The following CDH23 variants were observed in gnomAD, a reference collection of about 807,000 sequenced individuals.
CDH23 encodes the protein cadherin related 23, also known as cadherin-23.
CDH23 carries 189 observed loss-of-function variants against 317.1 expected under a neutral mutation model. The observed-to-expected ratio is 0.60, with a 90% CI of 0.53 to 0.67. CDH23 has a LOEUF of 0.67. Ranked by LOEUF, CDH23 falls within the 30% of genes least tolerant of loss-of-function variation. CDH23 has a pLI of 0.00. For missense variants in CDH23, 4,401 were observed against 4,592.4 expected (o/e 0.96, Z 1.20); for synonymous variants, 1,839 against 1,876.8 (o/e 0.98, Z 0.52).
chr10:71,717,642 G>T (rs368783204), intron 28 of CDH23: 1 of 152,360 alleles, frequency 6.6e-6, no homozygotes, highest in Middle Eastern at 3.4e-3. Flanking sequence ...AGATGAGCAG[G>T]GCCACCTGGA....
At chr10:71,550,158 A>T (rs1282118389) in intron 6 of CDH23, among the ~76,000 whole-genome samples, 3 of 152,192 alleles carry the variant, frequency 2.0e-5, no homozygotes, top group African/African-American at 7.2e-5. Flanking sequence ...TACAATGGGG[A>T]TAAAGCCTCA....
chr10:71,747,089 A>G (rs761807910), intron 38 of CDH23, among the ~76,000 whole-genome samples: 47 of 152,100 alleles, frequency 3.1e-4, no homozygotes, highest in Non-Finnish European at 5.1e-4. Context: ...GTACATCCAG[A>G]CCCTTCCCTT....
At chr10:71,601,354 T>G (rs1322261431) in intron 9 of CDH23, among the ~76,000 whole-genome samples, 22 of 152,258 alleles carry the variant, frequency 1.4e-4, no homozygotes, top group Admixed American at 1.4e-3. Context: ...TGCTGGACAC[T>G]GTGCTGAACT....
At chr10:71,691,929 C>A (rs1025815657) in intron 20 of CDH23, among the ~76,000 whole-genome samples, 1 of 152,190 alleles carries the variant, frequency 6.6e-6, no homozygotes, top group African/African-American at 2.4e-5. Flanking sequence ...GACCCAGGGC[C>A]ACTGTGAGCC....
At chr10:71,803,638 A>T (rs986201343) in intron 55 of CDH23, among the ~76,000 whole-genome samples, 1 of 152,096 alleles carries the variant, frequency 6.6e-6, no homozygotes, top group African/African-American at 2.4e-5. Flanking sequence ...ACAGGGCAGT[A>T]TTGAACAGTG....
Position 71,813,259 on chromosome 10 carries a change from G to A in CDH23, c.9649G>A (p.Val3217Met). Reference sequence around the variant, plus strand: ...CCTCCCCCAGGGCTCGCTGCTGAAGGTGGTCCTGGAGGATTACCTGCGGCT... The same window carrying A: ...CCTCCCCCAGGGCTCGCTGCTGAAGATGGTCCTGGAGGATTACCTGCGGCT... ...EGPIKGSLLK[V>M]VLEDYLRLKK... The change falls in exon 69 of 70, where the codon GTG (valine) becomes ATG (methionine). Residue 3217 changes from valine to methionine, a missense_variant. Val to Met is a conservative substitution (Grantham distance 21, BLOSUM62 1). This residue lies in a region of CDH23 where 1,144 missense variants were observed against 1,138.2 expected (regional missense o/e 1.01). Coordinates refer to ENST00000224721, the MANE Select transcript of CDH23 (RefSeq NM_022124.6). 1 of 1,551,644 alleles carries A rather than the reference G, an allele frequency of 6.4e-7. No homozygotes were observed. Among genetic ancestry groups the A allele is most frequent in the Non-Finnish European group, 8.7e-7 (1 of 1,146,980 alleles).
chr10:71,769,229 T>C (rs201154535), intron 38 of CDH23, among the ~76,000 whole-genome samples: 1 of 152,228 alleles, frequency 6.6e-6, no homozygotes, highest in African/African-American at 2.4e-5. Context: ...CTCTAAAACA[T>C]TTGCTAATCT....
At chr10:71,713,365 G>C in intron 28 of CDH23, 1 of 748,016 alleles carries the variant, frequency 1.3e-6, no homozygotes, top group Non-Finnish European at 2.5e-6. Context: ...GGCCTCAGTT[G>C]CTGGGTGGGG....
chr10:71,592,958 C>G (rs1030932339), intron 9 of CDH23, among the ~76,000 whole-genome samples: 7 of 152,202 alleles, frequency 4.6e-5, no homozygotes, highest in Non-Finnish European at 1.5e-5. Flanking sequence ...TTATCCCATT[C>G]TGAGTTTCCT....
At chr10:71,517,166 G>A (rs189844436) in intron 6 of CDH23, among the ~76,000 whole-genome samples, 20 of 152,332 alleles carry the variant, frequency 1.3e-4, no homozygotes, top group African/African-American at 2.9e-4. Context: ...TACTTTGCTC[G>A]GCCAGCTGGT....
At chr10:71,533,808 CG>C (rs1855553711) in intron 6 of CDH23, among the ~76,000 whole-genome samples, 1 of 152,076 alleles carries the variant, frequency 6.6e-6, no homozygotes, top group South Asian at 2.1e-4. Context: ...CAGAGCAAGA[CG>C]TGCAAATAAA....
chr10:71,439,234 A>G (rs532763705), intron 1 of CDH23, among the ~76,000 whole-genome samples: 23 of 152,172 alleles, frequency 1.5e-4, no homozygotes, highest in Middle Eastern at 3.4e-3. Flanking sequence ...GCCTCTTTGG[A>G]CACCATGACC....
Position 71,793,623 on chromosome 10 carries a change from CT to C in CDH23, c.6696del (p.Val2233Ter), listed in dbSNP as rs1278603247. 4 of 1,592,124 alleles carry C rather than the reference CT, an allele frequency of 2.5e-6. No homozygotes were observed. The highest frequency in any genetic ancestry group is 3.4e-6 in the Non-Finnish European group (4 of 1,167,876). ...GTGCCCAACCAGGAGGACGCCTTTGCTGTGAATATCAACACAGGTACAAGGG... is the reference window on the plus strand; with the variant it reads ...GTGCCCAACCAGGAGGACGCCTTTGCGTGAATATCAACACAGGTACAAGGG... Reference protein sequence around the residue: ...RLVPNQEDAFAVNINTGSVMV... With the variant: ...RLVPNQEDAFXVNINTGSVMV... On this transcript the variant is annotated frameshift_variant, in exon 48 of 70. Transcript: ENST00000224721. LOFTEE classifies it high-confidence loss of function.
At chr10:71,623,045 AC>A in intron 11 of CDH23, 1 of 720,164 alleles carries the variant, frequency 1.4e-6, no homozygotes, top group Non-Finnish European at 1.7e-6. Flanking sequence ...TGTGCCTGCC[AC>A]TGTGCTAGGT....
At chr10:71,812,163 C>T in intron 66 of CDH23, 148 bp downstream of exon 66, 1 of 1,586,766 alleles carries the variant, frequency 6.3e-7, no homozygotes, top group Non-Finnish European at 8.6e-7. Flanking sequence ...CTTCACCCTC[C>T]CTCCACCCTC....
At chr10:71,686,507 G>C (rs1447154265) in intron 18 of CDH23, among the ~76,000 whole-genome samples, 1 of 152,098 alleles carries the variant, frequency 6.6e-6, no homozygotes, top group Non-Finnish European at 1.5e-5. Context: ...TCCCAAGGGG[G>C]GTGCAGCCAG....
chr10:71,516,521 G>A (rs1854340898), intron 6 of CDH23, among the ~76,000 whole-genome samples: 1 of 152,324 alleles, frequency 6.6e-6, no homozygotes, highest in African/African-American at 2.4e-5. Flanking sequence ...GGGTATCCCT[G>A]GATGCCATTT....
At chr10:71,531,642 A>AG in intron 6 of CDH23, among the ~76,000 whole-genome samples, 1 of 151,842 alleles carries the variant, frequency 6.6e-6, no homozygotes, top group African/African-American at 2.4e-5. Flanking sequence ...CTGGGTAGGG[A>AG]GGGGGAGCTG....
Position 71,815,408 on chromosome 10 carries a change from C to G in CDH23, c.*130C>G. 1 of 826,474 alleles carries G rather than the reference C, an allele frequency of 1.2e-6. No individual in the cohort carries two copies. The highest frequency in any genetic ancestry group is 1.8e-6 in the Non-Finnish European group (1 of 552,066). The allele number at this position is 826,474 out of a possible 1,614,324, so 51.2% of individuals were successfully genotyped here. Reference sequence around the variant, plus strand: ...GCCTTGGGGACAACCTTGGCTTGGCCCTGGCAGCCCGCATCAGCTGCTCAG... The same window carrying G: ...GCCTTGGGGACAACCTTGGCTTGGCGCTGGCAGCCCGCATCAGCTGCTCAG... On this transcript the variant is annotated 3_prime_UTR_variant, in exon 70 of 70. Coordinates refer to ENST00000224721, the MANE Select transcript of CDH23 (RefSeq NM_022124.6).
Sources: gnomAD v4.1 joint callset for allele counts (sites outside exome capture counted in the v4.1 genomes callset) on GRCh38, gnomAD v4.1.1 for gene constraint, gnomAD v4.1.1 regional missense constraint, MANE v1.5 for transcripts, NCBI Gene and HGNC (gene_info 2026-07-23, HGNC 2026-07-21) for gene names.